The following BACH2 variants were observed in gnomAD, a reference collection of about 807,000 sequenced individuals.
BACH2 encodes transcription regulator protein BACH2.
Under a neutral mutation model 61.8 loss-of-function variants are expected in BACH2, and 5 were observed. That is an observed-to-expected ratio of 0.08 (90% CI 0.04 to 0.17). The LOEUF (loss-of-function observed/expected upper bound fraction) is 0.17, where lower values mean the gene tolerates loss of function less well. Ranked by LOEUF, BACH2 falls within the 10% of genes least tolerant of loss-of-function variation. The pLI is 1.00. For synonymous variants in BACH2, 446 were observed against 440.1 expected, an observed-to-expected ratio of 1.01 and a Z score of -0.17; for missense variants, 824 against 1,091.1, an observed-to-expected ratio of 0.76 and a Z score of 3.45.
chr6:90,077,676 A>G (rs1412538296), intron 5 of BACH2, among the ~76,000 whole-genome samples: 1 of 152,246 alleles, frequency 6.6e-6, no homozygotes, highest in East Asian at 1.9e-4. Flanking sequence ...AAATACAACA[A>G]TTAAGAAAAC....
At chr6:90,164,339 G>T (rs956536283) in intron 4 of BACH2, among the ~76,000 whole-genome samples, 21 of 152,032 alleles carry the variant, frequency 1.4e-4, no homozygotes, top group African/African-American at 4.1e-4. Context: ...CCTCGACACA[G>T]ACACCCTCCC....
At chr6:89,962,691 T>G (rs898208137) in intron 6 of BACH2, among the ~76,000 whole-genome samples, 2 of 152,212 alleles carry the variant, frequency 1.3e-5, no homozygotes, top group Non-Finnish European at 2.9e-5. Flanking sequence ...TCCCCACAGA[T>G]GCATAATTTC....
intron 4 of BACH2, among the ~76,000 whole-genome samples, chr6:90,145,208 A>G (rs1322319765): frequency 6.6e-6 from 1 of 152,218 alleles, no homozygotes; most frequent in Non-Finnish European, 1.5e-5. Flanking sequence ...AAAGCAACAA[A>G]GGAAAGAATA....
chr6:90,216,002 C>T (rs556482215), intron 3 of BACH2, among the ~76,000 whole-genome samples: 135 of 152,302 alleles, frequency 8.9e-4, no homozygotes, highest in African/African-American at 2.9e-3. Context: ...GATGACTGCA[C>T]ACTGATGTTT....
chr6:89,990,627 A>G (rs1461869521), intron 6 of BACH2, among the ~76,000 whole-genome samples: 2 of 151,176 alleles, frequency 1.3e-5, no homozygotes, highest in African/African-American at 2.4e-5. Flanking sequence ...TCCTCCCAAT[A>G]CCCACCCCCA....
intron 5 of BACH2, among the ~76,000 whole-genome samples, chr6:90,057,650 A>G (rs1780441643): frequency 6.6e-6 from 1 of 152,216 alleles, no homozygotes; most frequent in South Asian, 2.1e-4. Flanking sequence ...CTGACACCAA[A>G]GCCTGGCAGA....
intron 4 of BACH2, among the ~76,000 whole-genome samples, chr6:90,138,390 C>T (rs1011354970): frequency 6.6e-6 from 1 of 152,128 alleles, no homozygotes; most frequent in African/African-American, 2.4e-5. Context: ...GTAGTCTCAC[C>T]TACTTGGTAG....
intron 1 of BACH2, among the ~76,000 whole-genome samples, chr6:90,295,664 T>C (rs1772328326): frequency 6.6e-6 from 1 of 151,528 alleles, no homozygotes; most frequent in Non-Finnish European, 1.5e-5. Context: ...GGTGTGTGTG[T>C]GTGTGTGTGT....
chr6:90,126,533 G>C (rs1452820370), intron 4 of BACH2, among the ~76,000 whole-genome samples: 1 of 152,164 alleles, frequency 6.6e-6, no homozygotes, highest in Non-Finnish European at 1.5e-5. Context: ...GAGTGAACAT[G>C]AACATAGAGC....
intron 5 of BACH2, among the ~76,000 whole-genome samples, chr6:90,070,027 T>C (rs1251681171): frequency 3.3e-5 from 5 of 152,158 alleles, no homozygotes; most frequent in Non-Finnish European, 1.5e-5. Context: ...ACACGATCAT[T>C]GTGGCAGTTA....
At chr6:90,048,227 C>T (rs1372019181) in intron 5 of BACH2, among the ~76,000 whole-genome samples, 2 of 152,070 alleles carry the variant, frequency 1.3e-5, no homozygotes, top group African/African-American at 2.4e-5. Context: ...TTCCTGGGCT[C>T]AAGGAATCCT....
chr6:89,982,194 G>A (rs772672269), intron 6 of BACH2, among the ~76,000 whole-genome samples: 1 of 152,130 alleles, frequency 6.6e-6, no homozygotes, highest in Non-Finnish European at 1.5e-5. Flanking sequence ...TAAGTTCAGG[G>A]AGGTCAGCTC....
intron 8 of BACH2, 48 bp downstream of exon 8, chr6:89,938,096 A>C: frequency 6.5e-7 from 1 of 1,545,516 alleles, no homozygotes; most frequent in East Asian, 2.3e-5. Flanking sequence ...ACTTTACATT[A>C]GTCCTGGTCA....
At position 89,935,102 on chromosome 6, in the gene BACH2, G is replaced by A. The variant is rs1048521811; in HGVS notation, c.2044-2212C>T. 3.9e-5 allele frequency among the ~76,000 whole-genome samples: 6 copies of A among 152,244 alleles called. 1 individual carries two copies. ...GCTGAGTGGCGGGTGTGTGGGAGACGGCGTGGGAGTGGGGAGTGAGTGCAG... is the reference window on the plus strand; with the variant it reads ...GCTGAGTGGCGGGTGTGTGGGAGACAGCGTGGGAGTGGGGAGTGAGTGCAG... On this transcript the variant is annotated intron_variant, in intron 8 of 8. Coordinates refer to ENST00000257749, the MANE Select transcript of BACH2 (RefSeq NM_021813.4).
intron 4 of BACH2, among the ~76,000 whole-genome samples, chr6:90,175,566 C>T (rs1178287562): frequency 1.3e-5 from 2 of 151,820 alleles, no homozygotes; most frequent in African/African-American, 4.8e-5. Flanking sequence ...TTTCAAAATT[C>T]TCAGTGTTGG....
intron 6 of BACH2, among the ~76,000 whole-genome samples, chr6:89,963,195 C>A (rs964623980): frequency 3.9e-5 from 6 of 152,238 alleles, no homozygotes; most frequent in African/African-American, 1.2e-4. Flanking sequence ...TCTCACCTTA[C>A]ACCCACTGGG....
intron 6 of BACH2, among the ~76,000 whole-genome samples, chr6:89,983,705 T>C (rs886734063): frequency 1.3e-5 from 2 of 152,182 alleles, no homozygotes; most frequent in African/African-American, 2.4e-5. Context: ...GTCAGTTCCT[T>C]AGTCACACAC....
intron 3 of BACH2, among the ~76,000 whole-genome samples, chr6:90,216,748 C>G (rs1261813570): frequency 6.6e-6 from 1 of 152,176 alleles, no homozygotes; most frequent in Non-Finnish European, 1.5e-5. Flanking sequence ...AGCAGAAGTT[C>G]TGAACCAGAG....
intron 5 of BACH2, chr6:90,062,819 C>G (rs1214721016): frequency 1.2e-5 from 7 of 590,950 alleles, no homozygotes; most frequent in Non-Finnish European, 1.5e-5. Context: ...CAAACAAAGT[C>G]TGAATAATCC....
Sources: gnomAD v4.1 joint callset for allele counts (sites outside exome capture counted in the v4.1 genomes callset) on GRCh38, gnomAD v4.1.1 for gene constraint, MANE v1.5 for transcripts, NCBI Gene and HGNC (gene_info 2026-07-23, HGNC 2026-07-21) for gene names.